The following PRKAG2 variants were observed in gnomAD, a reference collection of about 807,000 sequenced individuals.
PRKAG2 encodes the protein protein kinase AMP-activated non-catalytic subunit gamma 2.
A neutral mutation model predicts 69.6 loss-of-function variants in PRKAG2; 26 were observed. The ratio of observed to expected loss-of-function variants is 0.37; its 90% CI spans 0.27 to 0.52. PRKAG2 has a LOEUF of 0.52. Ranked by LOEUF, PRKAG2 falls within the 20% of genes least tolerant of loss-of-function variation. The probability of loss-of-function intolerance (pLI) is 0.90; values close to 1 mark genes in which losing one functional copy is unlikely to be tolerated. For synonymous variants in PRKAG2, 293 were observed against 285.0 expected, an observed-to-expected ratio of 1.03 and a Z score of -0.28; for missense variants, 557 against 740.0, an observed-to-expected ratio of 0.75 and a Z score of 2.87.
chr7:151,830,122 T>G (rs1318557308), intron 1 of PRKAG2, among the ~76,000 whole-genome samples: 2 of 86,354 alleles, frequency 2.3e-5, no homozygotes, highest in South Asian at 3.5e-4. Flanking sequence ...CACCTGGTTT[T>G]TTTTTTTTTT....
intron 15 of PRKAG2, chr7:151,558,710 AC>A (rs2150964157): frequency 1.0e-6 from 1 of 985,038 alleles, no homozygotes; most frequent in Non-Finnish European, 1.2e-6. Flanking sequence ...CAACCCAGCT[AC>A]CCCCATCTTC....
At chr7:151,594,362 T>C (rs1585107736) in intron 6 of PRKAG2, among the ~76,000 whole-genome samples, 1 of 152,256 alleles carries the variant, frequency 6.6e-6, no homozygotes, top group African/African-American at 2.4e-5. Flanking sequence ...ACTAAATGTA[T>C]ACGCACAGAT....
intron 3 of PRKAG2, among the ~76,000 whole-genome samples, chr7:151,718,044 C>T (rs374937992): frequency 1.3e-5 from 2 of 152,196 alleles, no homozygotes; most frequent in East Asian, 1.9e-4. Context: ...TCAGCTTCTG[C>T]TACATGGAAG....
At position 151,780,362 on chromosome 7, in the gene PRKAG2, A is replaced by G. The variant is rs1285247063; in HGVS notation, c.466+790T>C. On this transcript the variant is annotated intron_variant, in intron 3 of 15. Coordinates refer to ENST00000287878, the MANE Select transcript of PRKAG2 (RefSeq NM_016203.4). This position sits in a 1 kb window ranked among gnomAD's most constrained non-coding sequence, Gnocchi z 4.2. ...GTCAGCCTGGAGAGAAAGGTGAACT[A>G]TCCCAGGCCTCTGATGGTCAAGGAC... Among the ~76,000 whole-genome samples the G allele has an allele frequency of 6.6e-6, 1 of 152,242 alleles. No individual in the cohort carries two copies. Among genetic ancestry groups the G allele is most frequent in the Non-Finnish European group, 1.5e-5 (1 of 68,046 alleles).
At chr7:151,647,797 A>G (rs931661464) in intron 4 of PRKAG2, among the ~76,000 whole-genome samples, 1 of 152,232 alleles carries the variant, frequency 6.6e-6, no homozygotes, top group Non-Finnish European at 1.5e-5. Context: ...AAAAAATCCT[A>G]ATATCTGCAT....
intron 1 of PRKAG2, among the ~76,000 whole-genome samples, chr7:151,870,114 T>TAGAC (rs1213343341): frequency 3.7e-5 from 4 of 107,982 alleles, no homozygotes; most frequent in Non-Finnish European, 6.1e-5. Flanking sequence ...GTGCAGATGA[T>TAGAC]AGATAGATAG....
rs976768291 is a variant in PRKAG2, at chr7:151,875,614, T to C, written c.114+893A>G. ...GTGTGTGTGTGTGTGTGTGTGTGTG[T>C]ACACAAACATTTACTTGGTTGGCTG... On this transcript the variant is annotated intron_variant, in intron 1 of 15. Transcript: ENST00000287878. Among the ~76,000 whole-genome samples, 8 of 140,016 alleles carry C rather than the reference T, an allele frequency of 5.7e-5. No individual in the cohort carries two copies. In the East Asian group the frequency reaches 6.4e-4, roughly 11 times the overall value. 91.9% of individuals were successfully genotyped at this position (140,016 alleles called of 152,430 possible).
intron 3 of PRKAG2, among the ~76,000 whole-genome samples, chr7:151,678,918 C>T (rs566877961): frequency 1.3e-5 from 2 of 151,988 alleles, no homozygotes; most frequent in Non-Finnish European, 2.9e-5. Context: ...GAGATTGTGC[C>T]ACTGCATTCC....
In PRKAG2 at chr7:151,851,624, T is replaced by C. The variant is rs117051574; in HGVS notation, c.114+24883A>G. On this transcript the variant is annotated intron_variant, in intron 1 of 15. Coordinates refer to ENST00000287878, the MANE Select transcript of PRKAG2 (RefSeq NM_016203.4). ...AAATCACAGGCTTTTGGTTTCATTA[T>C]CATTGTCAAACCATTAACCACTAAC... is the stretch of plus-strand genomic sequence containing the variant. Among the ~76,000 whole-genome samples the C allele has an allele frequency of 4.8e-3, 736 of 152,292 alleles. 6 individuals carry two copies. Among genetic ancestry groups the C allele is most frequent in the Non-Finnish European group, 7.5e-3 (507 of 68,016 alleles).
Position 151,836,065 on chromosome 7 carries a change from G to C in PRKAG2, c.114+40442C>G, listed in dbSNP as rs555403449. Among the ~76,000 whole-genome samples the C allele has an allele frequency of 2.0e-5, 3 of 152,168 alleles. No individual in the cohort carries two copies. Among genetic ancestry groups the C allele is most frequent in the Non-Finnish European group, 2.9e-5 (2 of 68,018 alleles). ...GCACATCCTGAGTCTAACTCACCCC[G>C]ACATTTTTTGGTTTTAAACCAGTGA... On this transcript the variant is annotated intron_variant, in intron 1 of 15. Transcript: ENST00000287878. The surrounding 1 kb of genome is among the most constrained non-coding windows in gnomAD (Gnocchi z 4.1).
intron 1 of PRKAG2, among the ~76,000 whole-genome samples, chr7:151,805,729 T>C (rs944388165): frequency 6.6e-6 from 1 of 152,182 alleles, no homozygotes; most frequent in Non-Finnish European, 1.5e-5. Flanking sequence ...TTAGAGGCAA[T>C]ATACTATGAT....
At chr7:151,663,348 G>GGATT (rs1324408874) in intron 4 of PRKAG2, among the ~76,000 whole-genome samples, 1 of 152,144 alleles carries the variant, frequency 6.6e-6, no homozygotes, top group Non-Finnish European at 1.5e-5. Context: ...TAACTCTGCT[G>GGATT]GATTATTTAC....
chr7:151,792,615 C>T (rs2151826227), intron 1 of PRKAG2, among the ~76,000 whole-genome samples: 1 of 152,306 alleles, frequency 6.6e-6, no homozygotes, highest in East Asian at 1.9e-4. Flanking sequence ...GCTGGGATAC[C>T]CCAGAAAGAA....
intron 3 of PRKAG2, among the ~76,000 whole-genome samples, chr7:151,685,781 A>T (rs993303206): frequency 6.6e-6 from 1 of 152,140 alleles, no homozygotes; most frequent in African/African-American, 2.4e-5. Context: ...AAAAAAAAAA[A>T]AAATTCTAAT....
In PRKAG2 at chr7:151,832,968, G is replaced by A. The variant is rs552446132; in HGVS notation, c.114+43539C>T. ...TCCCCTGAAAAGTGGGGGACATCTT[G>A]GAGGAGGTGGGCAGATCAGGTGTCT... On this transcript the variant is annotated intron_variant, in intron 1 of 15. Coordinates refer to ENST00000287878, the MANE Select transcript of PRKAG2 (RefSeq NM_016203.4). 2.6e-5 allele frequency among the ~76,000 whole-genome samples: 4 copies of A among 152,300 alleles called. No homozygotes were observed. The South Asian group carries it at 8.3e-4, about 32-fold the overall frequency.
intron 3 of PRKAG2, among the ~76,000 whole-genome samples, chr7:151,683,384 G>C (rs1475495840): frequency 6.6e-6 from 1 of 152,240 alleles, no homozygotes; most frequent in Non-Finnish European, 1.5e-5. Context: ...GTTGCCATGG[G>C]CTCTGGGACA....
At chr7:151,742,764 G>T (rs748808150) in intron 3 of PRKAG2, among the ~76,000 whole-genome samples, 1 of 152,196 alleles carries the variant, frequency 6.6e-6, no homozygotes, top group African/African-American at 2.4e-5. Flanking sequence ...CACAAAGCCG[G>T]CTGCTTCCTC....
At chr7:151,832,240 G>GGA (rs1200159796) in intron 1 of PRKAG2, among the ~76,000 whole-genome samples, 1 of 24,894 alleles carries the variant, frequency 4.0e-5, no homozygotes, top group African/African-American at 1.0e-4. Flanking sequence ...AGGAGAGGAG[G>GGA]AGGGAAGGAA....
chr7:151,873,319 A>C (rs1215785186), intron 1 of PRKAG2, among the ~76,000 whole-genome samples: 1 of 152,196 alleles, frequency 6.6e-6, no homozygotes, highest in Non-Finnish European at 1.5e-5. Context: ...AAGTCTCTCT[A>C]AACACATCAG....
Sources: gnomAD v4.1 joint callset for allele counts (sites outside exome capture counted in the v4.1 genomes callset) on GRCh38, gnomAD v4.1.1 for gene constraint, Gnocchi (gnomAD v3.1) non-coding constraint, MANE v1.5 for transcripts, NCBI Gene and HGNC (gene_info 2026-07-23, HGNC 2026-07-21) for gene names.